TRAPPC9: variants seen among roughly 807,000 people sequenced by gnomAD.
TRAPPC9 encodes IKK2 binding protein.
TRAPPC9 carries 83 observed loss-of-function variants against 124.0 expected under a neutral mutation model. The observed-to-expected ratio is 0.67, with a 90% CI of 0.56 to 0.80. TRAPPC9 has a LOEUF of 0.80. TRAPPC9 is among the 30% of genes least tolerant of loss of function. The pLI is 0.00. For missense variants in TRAPPC9, 1,302 were observed against 1,508.3 expected (o/e 0.86, Z 2.27); for synonymous variants, 638 against 617.5 (o/e 1.03, Z -0.49).
chr8:140,097,855 G>A lies in TRAPPC9; in HGVS notation c.2557-73776C>T, dbSNP rs932488178. ...AGGTCCTTAGTGCGTGGCTACAGACGTGCCGCAGTCCTACCGGGAAAGATG... is the reference window on the plus strand; with the variant it reads ...AGGTCCTTAGTGCGTGGCTACAGACATGCCGCAGTCCTACCGGGAAAGATG... On this transcript the variant is annotated intron_variant, in intron 17 of 22. Transcript: ENST00000438773. The surrounding 1 kb of genome is among the most constrained non-coding windows in gnomAD (Gnocchi z 4.2). The A allele has an allele frequency of 1.3e-5, 2 of 152,232 alleles. No homozygotes were observed. Among genetic ancestry groups the A allele is most frequent in the African/African-American group, 2.4e-5 (1 of 41,440 alleles). The allele number at this position is 152,232 out of a possible 1,614,324, so 9.4% of individuals were successfully genotyped here.
At chr8:139,978,711 G>C (rs1183509708) in intron 19 of TRAPPC9, among the ~76,000 whole-genome samples, 1 of 152,190 alleles carries the variant, frequency 6.6e-6, no homozygotes, top group East Asian at 1.9e-4. Context: ...CGATGGCTGT[G>C]TCTGTGCCAG....
intron 21 of TRAPPC9, among the ~76,000 whole-genome samples, chr8:139,745,565 A>G (rs1434400127): frequency 6.6e-6 from 1 of 152,242 alleles, no homozygotes; most frequent in Non-Finnish European, 1.5e-5. Flanking sequence ...CTGTGCACAG[A>G]GAGCTGAGCC....
At chr8:139,756,706 T>G (rs1157842289) in intron 21 of TRAPPC9, among the ~76,000 whole-genome samples, 6 of 108,466 alleles carry the variant, frequency 5.5e-5, no homozygotes, top group South Asian at 3.3e-4. Flanking sequence ...AGCCAGGCTT[T>G]GGGGATGAGG....
chr8:139,777,430 T>C (rs1482015688), intron 21 of TRAPPC9, among the ~76,000 whole-genome samples: 1 of 152,226 alleles, frequency 6.6e-6, no homozygotes, highest in Non-Finnish European at 1.5e-5. Flanking sequence ...TATCTCCTAA[T>C]GCAAGGGCTA....
chr8:139,756,497 G>A (rs1399808491), intron 21 of TRAPPC9, among the ~76,000 whole-genome samples: 62 of 120,808 alleles, frequency 5.1e-4, no homozygotes, highest in East Asian at 1.1e-3. Context: ...CAGGTCACAG[G>A]AGGAGCCAGG....
At chr8:140,008,082 G>C (rs1838877322) in intron 18 of TRAPPC9, among the ~76,000 whole-genome samples, 1 of 152,190 alleles carries the variant, frequency 6.6e-6, no homozygotes, top group Non-Finnish European at 1.5e-5. Context: ...GCCCTCCACA[G>C]AGCTATAATA....
chr8:139,876,784 C>T (rs138059987), intron 21 of TRAPPC9, among the ~76,000 whole-genome samples: 3 of 152,206 alleles, frequency 2.0e-5, no homozygotes, highest in Non-Finnish European at 4.4e-5. Flanking sequence ...GCTCCAACAA[C>T]AGCAATCATT....
rs112692781 is a variant in TRAPPC9 at position 140,319,769 on chromosome 8, A to G, written c.1496-8395T>C. Among the ~76,000 whole-genome samples, 159 of 152,360 alleles carry G rather than the reference A, an allele frequency of 1.0e-3. 1 individual carries two copies. The highest frequency in any genetic ancestry group is 3.7e-3 in the African/African-American group (154 of 41,586). On this transcript the variant is annotated intron_variant, in intron 9 of 22. Coordinates refer to ENST00000438773, the MANE Select transcript of TRAPPC9 (RefSeq NM_001160372.4). ...ATGAGTGAGCAACTACGCCTGGCCC[A>G]AACAGAACATTTTTAATGAAAGCCT...
chr8:139,838,822 A>G (rs1248951967), intron 21 of TRAPPC9, among the ~76,000 whole-genome samples: 2 of 152,258 alleles, frequency 1.3e-5, no homozygotes, highest in East Asian at 3.9e-4. Flanking sequence ...CTAGGAACTT[A>G]TACATCGGTT....
intron 17 of TRAPPC9, among the ~76,000 whole-genome samples, chr8:140,134,704 C>T (rs2061271453): frequency 6.6e-6 from 1 of 152,202 alleles, no homozygotes; most frequent in South Asian, 2.1e-4. Flanking sequence ...CAAACAGTAT[C>T]AGTTTCCTAA....
intron 16 of TRAPPC9, chr8:140,238,395 T>G (rs993874181): frequency 6.6e-6 from 1 of 152,240 alleles, no homozygotes; most frequent in African/African-American, 2.4e-5. Context: ...TGGAAAACTT[T>G]CAGTGTCCAA....
chr8:139,895,961 T>G (rs544582866), intron 20 of TRAPPC9, among the ~76,000 whole-genome samples: 8 of 152,326 alleles, frequency 5.3e-5, no homozygotes, highest in African/African-American at 1.9e-4. Flanking sequence ...CAGTGATTAG[T>G]CTGGGGAGCA....
intron 17 of TRAPPC9, among the ~76,000 whole-genome samples, chr8:140,116,353 C>T (rs1285098367): frequency 6.6e-6 from 1 of 152,096 alleles, no homozygotes; most frequent in African/African-American, 2.4e-5. Context: ...GAAATTCATA[C>T]CTAAAAGTAA....
intron 15 of TRAPPC9, among the ~76,000 whole-genome samples, chr8:140,269,018 G>C (rs1412906597): frequency 6.6e-6 from 1 of 152,162 alleles, no homozygotes; most frequent in Admixed American, 6.5e-5. Context: ...GAAGGAACAT[G>C]TGGGAATTTT....
rs1842768209 is a variant in TRAPPC9 at position 140,063,892 on chromosome 8, C to T, written c.2557-39813G>A. On this transcript the variant is annotated intron_variant, in intron 17 of 22. Transcript: ENST00000438773. The surrounding 1 kb of genome is among the most constrained non-coding windows in gnomAD (Gnocchi z 4.3). ...CCTAAATGCAAGGCACACGGGTGGC[C>T]CTGCCTCCCGAAACATGCTGGCCCC... Among the ~76,000 whole-genome samples, 1 of 152,130 alleles carries T rather than the reference C, an allele frequency of 6.6e-6. No individual in the cohort carries two copies. Among genetic ancestry groups the T allele is most frequent in the South Asian group, 2.1e-4 (1 of 4,816 alleles).
At chr8:140,311,208 G>T (rs774729791) in intron 10 of TRAPPC9, 40 bp downstream of exon 10, 3 of 1,604,648 alleles carry the variant, frequency 1.9e-6, no homozygotes, top group Non-Finnish European at 2.5e-6. Context: ...CGGTGTCCCA[G>T]AGGGCAGCTG....
intron 17 of TRAPPC9, among the ~76,000 whole-genome samples, chr8:140,025,266 A>C (rs7005176): frequency 0.77 from 117,392 of 152,188 alleles, 46,090 homozygotes; most frequent in African/African-American, 0.93. Context: ...CCGGAAGCAG[A>C]GGACACAGCA....
chr8:140,065,159 CA>C (rs1842844404), intron 17 of TRAPPC9, among the ~76,000 whole-genome samples: 1 of 152,190 alleles, frequency 6.6e-6, no homozygotes, highest in Non-Finnish European at 1.5e-5. Context: ...TCCCTTAAGC[CA>C]AAATCTAATC....
chr8:140,193,646 AG>A (rs1178107508), intron 17 of TRAPPC9, among the ~76,000 whole-genome samples: 35 of 134,040 alleles, frequency 2.6e-4, no homozygotes, highest in Non-Finnish European at 4.8e-4. Context: ...AAAAAAAAAA[AG>A]CTTGGTTGGT....
Sources: gnomAD v4.1 joint callset for allele counts (sites outside exome capture counted in the v4.1 genomes callset) on GRCh38, gnomAD v4.1.1 for gene constraint, Gnocchi (gnomAD v3.1) non-coding constraint, MANE v1.5 for transcripts, NCBI Gene and HGNC (gene_info 2026-07-23, HGNC 2026-07-21) for gene names.